PLPP7: variants seen among roughly 807,000 people sequenced by gnomAD.
PLPP7 encodes inactive phospholipid phosphatase 7.
In PLPP7, 11 loss-of-function variants were observed where a neutral mutation model predicts 16.9. That is an observed-to-expected ratio of 0.65 (90% confidence interval 0.41 to 1.08). PLPP7 has a LOEUF of 1.08. PLPP7 is among the 50% of genes least tolerant of loss of function. The probability of loss-of-function intolerance (pLI) is 0.00; values close to 1 mark genes in which losing one functional copy is unlikely to be tolerated. For missense variants in PLPP7, 358 were observed against 397.1 expected (o/e 0.90, Z 0.84); for synonymous variants, 174 against 175.1 (o/e 0.99, Z 0.05).
intron 1 of PLPP7, among the ~76,000 whole-genome samples, chr9:131,307,687 A>G (rs530017268): frequency 1.6e-3 from 244 of 152,186 alleles, no homozygotes; most frequent in African/African-American, 5.6e-3. Flanking sequence ...TTTTACAAAC[A>G]GCGTGGTCAG....
chr9:131,301,220 C>T lies in PLPP7; in HGVS notation c.452-6703C>T, dbSNP rs147825222. Among the ~76,000 whole-genome samples, 880 of 152,254 alleles carry T rather than the reference C, an allele frequency of 5.8e-3. 5 individuals are homozygous for T. The highest frequency in any genetic ancestry group is 0.02 in the African/African-American group (822 of 41,538). ...CTGACCTCAGGTGATCCACCCACCT[C>T]GGCCTCCCAGAGTGCTGGGCTTACG... On this transcript the variant is annotated intron_variant, in intron 1 of 1. Transcript: ENST00000372264.
chr9:131,305,742 A>G (rs1835845490), intron 1 of PLPP7, among the ~76,000 whole-genome samples: 1 of 151,962 alleles, frequency 6.6e-6, no homozygotes, highest in African/African-American at 2.4e-5. Context: ...CAATCCTCCC[A>G]CCTCAGCCTC....
At chr9:131,302,712 C>G (rs951015147) in intron 1 of PLPP7, among the ~76,000 whole-genome samples, 1 of 152,228 alleles carries the variant, frequency 6.6e-6, no homozygotes, top group Admixed American at 6.5e-5. Context: ...CTGTGCTGGC[C>G]AGGCACTTCC....
intron 1 of PLPP7, among the ~76,000 whole-genome samples, chr9:131,304,329 GTTTCC>G: frequency 6.6e-6 from 1 of 152,214 alleles, no homozygotes; most frequent in East Asian, 1.9e-4. Context: ...TCTCCCCTGT[GTTTCC>G]GAAATGGGGA....
In PLPP7 at chr9:131,307,911, TC is replaced by T. The variant is rs767737798; in HGVS notation, c.452-6del. On this transcript the variant is annotated splice_polypyrimidine_tract_variant and intron_variant, in intron 1 of 1. Coordinates refer to ENST00000372264, the MANE Select transcript of PLPP7 (RefSeq NM_032728.4). Reference sequence around the variant, plus strand: ...CCCTGATGGCCCAGGGGCCTCTGTCTCCCCCCAACAGCCCTGCTCCTGGACA... The same window carrying T: ...CCCTGATGGCCCAGGGGCCTCTGTCTCCCCCAACAGCCCTGCTCCTGGACA... 4 of 1,562,906 alleles carry T rather than the reference TC, an allele frequency of 2.6e-6. No individual in the cohort carries two copies. Among genetic ancestry groups the T allele is most frequent in the Non-Finnish European group, 3.5e-6 (4 of 1,158,456 alleles).
At chr9:131,294,693 C>A (rs539022561) in intron 1 of PLPP7, among the ~76,000 whole-genome samples, 1 of 152,088 alleles carries the variant, frequency 6.6e-6, no homozygotes, top group African/African-American at 2.4e-5. Flanking sequence ...GTTTTTGAGA[C>A]ACAGTCTGTC....
chr9:131,290,577 C>A lies in PLPP7; in HGVS notation c.451+129C>A. ...GCTGGGATGGTCTAATGAGGTTAGG[C>A]AGGAAGGGTGCCCCAGAAACAGGCA... On this transcript the variant is annotated intron_variant, in intron 1 of 1. Coordinates refer to ENST00000372264, the MANE Select transcript of PLPP7 (RefSeq NM_032728.4). The surrounding 1 kb of genome is among the most constrained non-coding windows in gnomAD (Gnocchi z 4.2). The A allele has an allele frequency of 1.1e-6, 1 of 874,336 alleles. No individual in the cohort carries two copies. Among genetic ancestry groups the A allele is most frequent in the Non-Finnish European group, 1.6e-6 (1 of 613,472 alleles). The allele number at this position is 874,336 out of a possible 1,614,324, so 54.2% of individuals were successfully genotyped here.
At chr9:131,301,691 G>A (rs1835799636) in intron 1 of PLPP7, among the ~76,000 whole-genome samples, 1 of 152,184 alleles carries the variant, frequency 6.6e-6, no homozygotes, top group African/African-American at 2.4e-5. Flanking sequence ...CACAGGCAGT[G>A]TAATGGCAGC....
rs570969360 is a variant in PLPP7 at position 131,307,873 on chromosome 9, G to A, written c.452-50G>A. The A allele has an allele frequency of 4.6e-6, 7 of 1,508,148 alleles. No homozygotes were observed. In the African/African-American group the frequency reaches 8.3e-5, roughly 18 times the overall value. The allele number at this position is 1,508,148 out of a possible 1,614,324, so 93.4% of individuals were successfully genotyped here. On this transcript the variant is annotated intron_variant, in intron 1 of 1. Coordinates refer to ENST00000372264, the MANE Select transcript of PLPP7 (RefSeq NM_032728.4). ...GGAAATGTGGGGGGCCAGGGCCTGG[G>A]CCTGGCTGGTGGCCCTGATGGCCCA...
At chr9:131,301,769 T>C (rs1835800224) in intron 1 of PLPP7, among the ~76,000 whole-genome samples, 1 of 151,858 alleles carries the variant, frequency 6.6e-6, no homozygotes, top group African/African-American at 2.4e-5. Context: ...CCACCCTTGC[T>C]ATGGGTGAGT....
In PLPP7 at chr9:131,290,093, C is replaced by G; in HGVS notation, c.96C>G (p.Gly32=). The change falls in exon 1 of 2, where the codon GGC becomes GGG. Residue 32 remains glycine, a synonymous_variant. Transcript: ENST00000372264. The surrounding 1 kb of genome is among the most constrained non-coding windows in gnomAD (Gnocchi z 4.2). ...CCCTGAACCAGCCCCCCAAGGGGGG[C>G]CCGGAGCCCCGCAGCTCGGGCAGAA... ...FLSLNQPPKG[G]PEPRSSGRKA... is the part of the protein sequence containing the mutation. 6.6e-7 allele frequency: 1 copy of G among 1,516,088 alleles called. No individual in the cohort carries two copies. The highest frequency in any genetic ancestry group is 1.4e-5 in the African/African-American group (1 of 71,380). The allele number at this position is 1,516,088 out of a possible 1,614,324, so 93.9% of individuals were successfully genotyped here. A position where few individuals can be genotyped will look rare whatever the true frequency, so the allele number is the denominator to read the frequency against.
chr9:131,289,964 T>C lies in PLPP7; in HGVS notation c.-34T>C, dbSNP rs746241396. 1 of 1,390,764 alleles carries C rather than the reference T, an allele frequency of 7.2e-7. No individual in the cohort carries two copies. The highest frequency in any genetic ancestry group is 1.8e-5 in the South Asian group (1 of 54,948). The allele number at this position is 1,390,764 out of a possible 1,614,324, so 86.2% of individuals were successfully genotyped here. On this transcript the variant is annotated 5_prime_UTR_variant, in exon 1 of 2. Transcript: ENST00000372264. The stretch of plus-strand genomic sequence containing the variant: ...GGGGAGAAGGCCCTTGGAGCCGGGC[T>C]GGCATCGGCCTTCTCGGGGTGAGCG...
intron 1 of PLPP7, among the ~76,000 whole-genome samples, chr9:131,303,288 C>T (rs1245760743): frequency 1.4e-5 from 2 of 143,560 alleles, no homozygotes; most frequent in Non-Finnish European, 3.0e-5. Flanking sequence ...GCCGAGATCA[C>T]ACCATTGCAC....
chr9:131,297,829 T>C (rs916772447), intron 1 of PLPP7, among the ~76,000 whole-genome samples: 15 of 152,248 alleles, frequency 9.9e-5, no homozygotes, highest in Non-Finnish European at 1.8e-4. Flanking sequence ...TTTAGAGCAG[T>C]AGCTTCTAGA....
rs1274839365 is a variant in PLPP7 at position 131,295,907 on chromosome 9, A to G, written c.451+5459A>G. Among the ~76,000 whole-genome samples the G allele has an allele frequency of 1.3e-5, 2 of 152,190 alleles. No individual in the cohort carries two copies. Among genetic ancestry groups the G allele is most frequent in the African/African-American group, 4.8e-5 (2 of 41,458 alleles). ...ATTTCGTGTATCCATTCGTGCACCCATGGACACTTCGGTTGCTTCCACATT... is the reference window on the plus strand; with the variant it reads ...ATTTCGTGTATCCATTCGTGCACCCGTGGACACTTCGGTTGCTTCCACATT... On this transcript the variant is annotated intron_variant, in intron 1 of 1. Coordinates refer to ENST00000372264, the MANE Select transcript of PLPP7 (RefSeq NM_032728.4). This position sits in a 1 kb window ranked among gnomAD's most constrained non-coding sequence, Gnocchi z 4.0.
chr9:131,293,973 A>G (rs769792202), intron 1 of PLPP7, among the ~76,000 whole-genome samples: 4 of 152,170 alleles, frequency 2.6e-5, no homozygotes, highest in Non-Finnish European at 5.9e-5. Context: ...CCTGGGTTCC[A>G]CTTGGCTCTG....
intron 1 of PLPP7, among the ~76,000 whole-genome samples, chr9:131,300,202 G>A (rs1200897077): frequency 6.6e-6 from 1 of 152,216 alleles, no homozygotes; most frequent in Non-Finnish European, 1.5e-5. Context: ...TGCCTGGGAG[G>A]GCAGGAGGTG....
intron 1 of PLPP7, among the ~76,000 whole-genome samples, chr9:131,293,982 T>C (rs1223371697): frequency 1.3e-5 from 2 of 152,162 alleles, no homozygotes; most frequent in Non-Finnish European, 2.9e-5. Flanking sequence ...CACTTGGCTC[T>C]GAAGAGGCAG....
chr9:131,307,911 T>TC lies in PLPP7; in HGVS notation c.452-6dup, dbSNP rs767737798. 1.3e-6 allele frequency: 2 copies of TC among 1,562,780 alleles called. No homozygotes were observed. Among genetic ancestry groups the TC allele is most frequent in the Non-Finnish European group, 1.7e-6 (2 of 1,158,464 alleles). On this transcript the variant is annotated splice_polypyrimidine_tract_variant and intron_variant, in intron 1 of 1. Coordinates refer to ENST00000372264, the MANE Select transcript of PLPP7 (RefSeq NM_032728.4). ...CCCTGATGGCCCAGGGGCCTCTGTCTCCCCCCAACAGCCCTGCTCCTGGAC... is the reference window on the plus strand; with the variant it reads ...CCCTGATGGCCCAGGGGCCTCTGTCTCCCCCCCAACAGCCCTGCTCCTGGAC...
Sources: allele counts gnomAD v4.1 joint callset (sites outside exome capture counted in the v4.1 genomes callset), GRCh38; gene constraint gnomAD v4.1.1; non-coding constraint Gnocchi (gnomAD v3.1); transcripts MANE v1.5; gene names NCBI Gene and HGNC (gene_info 2026-07-23, HGNC 2026-07-21).